Variants in PRKG1 observed in about 807,000 individuals in gnomAD.
The protein encoded by PRKG1 is protein kinase cGMP-dependent 1.
Under a neutral mutation model 88.1 loss-of-function variants are expected in PRKG1, and 35 were observed. The ratio of observed to expected loss-of-function variants is 0.40; its 90% confidence interval spans 0.30 to 0.53. PRKG1 has a LOEUF of 0.53. Ranked by LOEUF, PRKG1 falls within the 20% of genes least tolerant of loss-of-function variation. PRKG1 has a pLI of 0.59. For synonymous variants in PRKG1, 303 were observed against 292.5 expected (o/e 1.04, Z -0.37); for missense variants, 540 against 839.8 (o/e 0.64, Z 4.41).
intron 2 of PRKG1, among the ~76,000 whole-genome samples, chr10:51,205,189 G>GAGTGCAGT (rs1259663711): frequency 8.1e-6 from 1 of 123,416 alleles, no homozygotes; most frequent in East Asian, 2.3e-4. Context: ...GCCCAGGCGG[G>GAGTGCAGT]AGTGCAGTGG....
chr10:51,881,170 G>T (rs1383202959), intron 4 of PRKG1, among the ~76,000 whole-genome samples: 2 of 152,064 alleles, frequency 1.3e-5, no homozygotes, highest in Non-Finnish European at 2.9e-5. Context: ...TAGTGCGCAT[G>T]AAGGGGAGAG....
intron 2 of PRKG1, among the ~76,000 whole-genome samples, chr10:51,304,556 A>G (rs534008293): frequency 6.6e-6 from 1 of 151,470 alleles, no homozygotes; most frequent in South Asian, 2.1e-4. Context: ...ATATGTATAC[A>G]TGTGCCATGC....
intron 2 of PRKG1, among the ~76,000 whole-genome samples, chr10:51,351,829 C>A (rs371798836): frequency 2.0e-5 from 3 of 152,252 alleles, no homozygotes; most frequent in East Asian, 3.9e-4. Flanking sequence ...TGCCTATGTC[C>A]TGAATGGTAT....
At chr10:51,607,518 C>G (rs1001600696) in intron 3 of PRKG1, among the ~76,000 whole-genome samples, 28 of 152,144 alleles carry the variant, frequency 1.8e-4, no homozygotes, top group Non-Finnish European at 1.3e-4. Context: ...CCTGGGAGCT[C>G]CAGCCTCCAC....
At chr10:51,669,121 A>G (rs140098437) in intron 3 of PRKG1, among the ~76,000 whole-genome samples, 250 of 152,328 alleles carry the variant, frequency 1.6e-3, no homozygotes, top group Middle Eastern at 0.01. Flanking sequence ...ATGCCTAAAT[A>G]TTATCTTATT....
At chr10:51,619,100 G>C (rs1051830715) in intron 3 of PRKG1, among the ~76,000 whole-genome samples, 3 of 151,944 alleles carry the variant, frequency 2.0e-5, no homozygotes, top group Admixed American at 6.6e-5. Context: ...TCATGTGGGA[G>C]AATAGAGGAA....
intron 3 of PRKG1, among the ~76,000 whole-genome samples, chr10:51,721,624 C>A (rs1183933593): frequency 6.6e-6 from 1 of 152,194 alleles, no homozygotes; most frequent in African/African-American, 2.4e-5. Flanking sequence ...ACGAGGCTCA[C>A]ACTCTCTGAT....
At chr10:51,239,375 A>C (rs909057324) in intron 2 of PRKG1, among the ~76,000 whole-genome samples, 1 of 152,256 alleles carries the variant, frequency 6.6e-6, no homozygotes, top group Non-Finnish European at 1.5e-5. Context: ...TAAGTATCAC[A>C]CTAACAAGTG....
chr10:51,276,711 A>G lies in PRKG1; in HGVS notation c.478+123381A>G, dbSNP rs1286763157. Among the ~76,000 whole-genome samples, 7 of 152,256 alleles carry G rather than the reference A, an allele frequency of 4.6e-5. No individual in the cohort carries two copies. The East Asian group carries it at 9.7e-4, about 21-fold the overall frequency. Reference sequence around the variant, plus strand: ...GGTTTTGATTTGCATTTCTCTGATGACCAGTGATGATGAGCATTTTTTCAT... The same window carrying G: ...GGTTTTGATTTGCATTTCTCTGATGGCCAGTGATGATGAGCATTTTTTCAT... On this transcript the variant is annotated intron_variant, in intron 2 of 17. Transcript: ENST00000373980.
intron 5 of PRKG1, among the ~76,000 whole-genome samples, chr10:52,050,969 G>T (rs886713218): frequency 6.6e-6 from 1 of 152,134 alleles, no homozygotes; most frequent in Non-Finnish European, 1.5e-5. Context: ...TGCAGCTGGG[G>T]TTAGGGTGCT....
chr10:52,026,673 T>C (rs1845346129), intron 5 of PRKG1, among the ~76,000 whole-genome samples: 1 of 152,198 alleles, frequency 6.6e-6, no homozygotes, highest in South Asian at 2.1e-4. Context: ...AAAAATCTTG[T>C]GCATTTAAAA....
intron 1 of PRKG1, among the ~76,000 whole-genome samples, chr10:51,114,191 G>A (rs9415720): frequency 0.8 from 120,889 of 151,952 alleles, 48,651 homozygotes; most frequent in South Asian, 0.87. Flanking sequence ...GCTCCTATAC[G>A]ACATGATTTA....
chr10:51,781,262 C>G (rs1437723659), intron 3 of PRKG1, among the ~76,000 whole-genome samples: 2 of 152,068 alleles, frequency 1.3e-5, no homozygotes, highest in African/African-American at 2.4e-5. Flanking sequence ...TTTCAATCAT[C>G]AAATGTCTTT....
intron 9 of PRKG1, among the ~76,000 whole-genome samples, chr10:52,217,847 A>G (rs115787307): frequency 0.013 from 1,985 of 152,220 alleles, 45 homozygotes; most frequent in African/African-American, 0.046. Context: ...TCTACTTATA[A>G]TTTGCATAAT....
chr10:50,993,073 G>A (rs1056842644), intron 1 of PRKG1, among the ~76,000 whole-genome samples: 2 of 152,116 alleles, frequency 1.3e-5, no homozygotes, highest in African/African-American at 4.8e-5. Context: ...CTTAGTGTCT[G>A]CCACTGGCCC....
At chr10:51,691,129 A>G (rs146442098) in intron 3 of PRKG1, among the ~76,000 whole-genome samples, 55 of 151,298 alleles carry the variant, frequency 3.6e-4, no homozygotes, top group African/African-American at 1.3e-3. Context: ...TGGGCTAAAT[A>G]TACTGATTGG....
chr10:51,164,896 T>C (rs1309835693), intron 2 of PRKG1, among the ~76,000 whole-genome samples: 2 of 152,144 alleles, frequency 1.3e-5, no homozygotes, highest in Non-Finnish European at 2.9e-5. Context: ...TATGGGACTA[T>C]GTGAAAAGAC....
intron 3 of PRKG1, among the ~76,000 whole-genome samples, chr10:51,617,613 A>G (rs998168373): frequency 6.6e-6 from 1 of 152,238 alleles, no homozygotes; most frequent in African/African-American, 2.4e-5. Flanking sequence ...TCAGTACAGT[A>G]ACGTGCTCTA....
intron 7 of PRKG1, among the ~76,000 whole-genome samples, chr10:52,090,557 G>A (rs1847030991): frequency 6.6e-6 from 1 of 152,134 alleles, no homozygotes; most frequent in Non-Finnish European, 1.5e-5. Flanking sequence ...ATTGCTGCAG[G>A]CAAGATCCAC....
Sources: gnomAD v4.1 joint callset for allele counts (sites outside exome capture counted in the v4.1 genomes callset) on GRCh38, gnomAD v4.1.1 for gene constraint, MANE v1.5 for transcripts, NCBI Gene and HGNC (gene_info 2026-07-23, HGNC 2026-07-21) for gene names.